Variants in SH3KBP1 observed in about 807,000 individuals in gnomAD.
SH3KBP1 encodes SH3 domain-containing kinase-binding protein 1.
In SH3KBP1, 8 loss-of-function variants were observed where a neutral mutation model predicts 50.1. The observed-to-expected ratio is 0.16, with a 90% CI of 0.09 to 0.29. The LOEUF is 0.29. Among genes scored for constraint, SH3KBP1 ranks in the 10% least tolerant of loss-of-function variants. SH3KBP1 has a pLI of 1.00. For synonymous variants in SH3KBP1, 227 were observed against 218.6 expected (o/e 1.04, Z -0.34); for missense variants, 377 against 535.2 (o/e 0.70, Z 2.92).
chrX:19,612,054 TAG>T (rs1478984711), intron 8 of SH3KBP1, among the ~76,000 whole-genome samples: 1 of 106,154 alleles, frequency 9.4e-6, no homozygotes, highest in Non-Finnish European at 1.9e-5. Flanking sequence ...TGGAGTGGGA[TAG>T]AGATTTACAG....
chrX:19,606,517 G>T (rs752860918), intron 9 of SH3KBP1, among the ~76,000 whole-genome samples: 1 of 112,496 alleles, frequency 8.9e-6, no homozygotes, highest in South Asian at 3.7e-4. Flanking sequence ...AAGTGATTTT[G>T]CTTGGTGGAA....
chrX:19,623,709 AT>A (rs2067923158), intron 8 of SH3KBP1, among the ~76,000 whole-genome samples: 1 of 112,380 alleles, frequency 8.9e-6, no homozygotes, highest in Non-Finnish European at 1.9e-5. Flanking sequence ...AAAAAAGTAT[AT>A]CCCATGCCAC....
intron 1 of SH3KBP1, among the ~76,000 whole-genome samples, chrX:19,885,517 C>T (rs2069563266): frequency 9.0e-6 from 1 of 111,631 alleles, no homozygotes; most frequent in Non-Finnish European, 1.9e-5. Flanking sequence ...CTCTATTTTT[C>T]GTAGGAAGTT....
chrX:19,732,253 T>C (rs1385460141), intron 3 of SH3KBP1, among the ~76,000 whole-genome samples: 2 of 111,377 alleles, frequency 1.8e-5, no homozygotes, highest in African/African-American at 6.5e-5. Flanking sequence ...AGTGAAAACT[T>C]CAAAATCTTC....
At chrX:19,799,568 G>T in intron 2 of SH3KBP1, 4 of 1,100,339 alleles carry the variant, frequency 3.6e-6, no homozygotes, top group Non-Finnish European at 5.0e-6. Flanking sequence ...CTACAAAGTA[G>T]TCGGGCAACA....
chrX:19,631,856 T>C lies in SH3KBP1; in HGVS notation c.897+8A>G, dbSNP rs1472012952. On this transcript the variant is annotated splice_region_variant and intron_variant, in intron 8 of 17. Transcript: ENST00000397821. ...CGATTTAGAAGGTAGGAGACAACCT[T>C]TGTTTACCTTATTGATGAGAGTGAC... The C allele has an allele frequency of 1.9e-5, 22 of 1,144,972 alleles. No individual in the cohort carries two copies. Among genetic ancestry groups the C allele is most frequent in the Non-Finnish European group, 2.5e-5 (21 of 838,353 alleles). 94.4% of individuals were successfully genotyped at this position (1,144,972 alleles called of 1,213,427 possible). A position where few individuals can be genotyped will look rare whatever the true frequency, so the allele number is the denominator to read the frequency against.
chrX:19,734,971 C>T (rs1323334498), intron 3 of SH3KBP1, among the ~76,000 whole-genome samples: 1 of 112,142 alleles, frequency 8.9e-6, no homozygotes, highest in Non-Finnish European at 1.9e-5. Context: ...CTGCTATGAA[C>T]ATTCATGTAC....
rs758486199 is a variant in SH3KBP1 at position 19,856,951 on chromosome X, C to CTTTTTTTTTTTTTTTTTTTTT, written c.5-20690_5-20670dup. On this transcript the variant is annotated intron_variant, in intron 1 of 17. Transcript: ENST00000397821. Reference sequence around the variant, plus strand: ...CTTTTCCCCTAGAGCTAATACTAGTCTTTTTTTTTTTTTTTTTTTTTTTTT... The same window carrying CTTTTTTTTTTTTTTTTTTTTT: ...CTTTTCCCCTAGAGCTAATACTAGTCTTTTTTTTTTTTTTTTTTTTTTTTTTTTTTTTTTTTTTTTTTTTTT... 6.5e-4 allele frequency among the ~76,000 whole-genome samples: 13 copies of CTTTTTTTTTTTTTTTTTTTTT among 20,040 alleles called. 5 individuals are homozygous for CTTTTTTTTTTTTTTTTTTTTT. Among genetic ancestry groups the CTTTTTTTTTTTTTTTTTTTTT allele is most frequent in the Non-Finnish European group, 9.0e-4 (9 of 10,012 alleles). The allele number at this position is 20,040 out of a possible 115,157, so 17.4% of individuals were successfully genotyped here. A position where few individuals can be genotyped will look rare whatever the true frequency, so the allele number is the denominator to read the frequency against.
At chrX:19,690,060 C>CTTT (rs1288057221) in intron 5 of SH3KBP1, among the ~76,000 whole-genome samples, 2 of 64,460 alleles carry the variant, frequency 3.1e-5, no homozygotes, top group Non-Finnish European at 5.1e-5. Flanking sequence ...CTCTCTCTCT[C>CTTT]TTTTTTTTTT....
chrX:19,617,321 A>G (rs965342009), intron 8 of SH3KBP1, among the ~76,000 whole-genome samples: 1 of 112,488 alleles, frequency 8.9e-6, no homozygotes, highest in Non-Finnish European at 1.9e-5. Flanking sequence ...ACAGGAAGGC[A>G]AGTCTAATTA....
intron 12 of SH3KBP1, among the ~76,000 whole-genome samples, chrX:19,582,417 G>T (rs185558761): frequency 1.8e-5 from 2 of 111,696 alleles, no homozygotes; most frequent in Non-Finnish European, 1.9e-5. Flanking sequence ...TATGGTGGCC[G>T]CGTGGGTGAT....
chrX:19,716,498 G>A (rs748419569), intron 3 of SH3KBP1, among the ~76,000 whole-genome samples: 2 of 112,136 alleles, frequency 1.8e-5, no homozygotes, highest in Non-Finnish European at 3.8e-5. Context: ...GTATAGCTAT[G>A]CCAGTGCTCA....
At chrX:19,768,798 G>A (rs1428403691) in intron 2 of SH3KBP1, among the ~76,000 whole-genome samples, 3 of 109,531 alleles carry the variant, frequency 2.7e-5, no homozygotes, top group South Asian at 7.8e-4. Context: ...GAACATATGA[G>A]TACACATTAA....
At chrX:19,589,113 C>T (rs1168144624) in intron 11 of SH3KBP1, among the ~76,000 whole-genome samples, 1 of 112,532 alleles carries the variant, frequency 8.9e-6, no homozygotes, top group Non-Finnish European at 1.9e-5. Flanking sequence ...CTGCCATGTT[C>T]CCTTCCCAAC....
chrX:19,642,725 C>T (rs1264920575), intron 7 of SH3KBP1, among the ~76,000 whole-genome samples: 2 of 111,542 alleles, frequency 1.8e-5, no homozygotes, highest in Non-Finnish European at 3.8e-5. Flanking sequence ...AATATTTAGA[C>T]AGTTTTCCTC....
At chrX:19,543,073 G>C (rs898808213) in intron 15 of SH3KBP1, among the ~76,000 whole-genome samples, 13 of 111,915 alleles carry the variant, frequency 1.2e-4, no homozygotes, top group Non-Finnish European at 1.1e-4. Context: ...ACAACTTTGA[G>C]TGATGTGGCG....
chrX:19,636,912 A>G (rs745498644), intron 7 of SH3KBP1, among the ~76,000 whole-genome samples: 5 of 112,460 alleles, frequency 4.4e-5, no homozygotes, highest in Admixed American at 2.8e-4. Context: ...GGAAAGTACC[A>G]GGTCACACCT....
intron 16 of SH3KBP1, among the ~76,000 whole-genome samples, chrX:19,538,476 T>C (rs2064784684): frequency 9.0e-6 from 1 of 111,632 alleles, no homozygotes; most frequent in African/African-American, 3.3e-5. Context: ...CCCAAAGTGC[T>C]AGGATTACAG....
At chrX:19,606,582 T>C (rs1413328773) in intron 9 of SH3KBP1, among the ~76,000 whole-genome samples, 2 of 112,137 alleles carry the variant, frequency 1.8e-5, no homozygotes, top group Non-Finnish European at 3.8e-5. Context: ...ATTTCCCTCC[T>C]AAAATATGGG....
Sources: gnomAD v4.1 joint callset for allele counts (sites outside exome capture counted in the v4.1 genomes callset) on GRCh38, gnomAD v4.1.1 for gene constraint, MANE v1.5 for transcripts, NCBI Gene and HGNC (gene_info 2026-07-23, HGNC 2026-07-21) for gene names.